Variants in FAM81A observed in about 807,000 individuals in gnomAD.
FAM81A encodes the protein protein FAM81A.
FAM81A carries 19 observed loss-of-function variants against 46.7 expected under a neutral mutation model. The observed-to-expected ratio is 0.41, with a 90% CI of 0.28 to 0.60. FAM81A has a LOEUF of 0.60. FAM81A is among the 20% of genes least tolerant of loss of function. FAM81A has a pLI of 0.34. For synonymous variants in FAM81A, 183 were observed against 152.9 expected (o/e 1.20, Z -1.45); for missense variants, 377 against 453.5 (o/e 0.83, Z 1.53).
At chr15:59,472,511 C>T (rs1440976206) in intron 3 of FAM81A, among the ~76,000 whole-genome samples, 2 of 151,962 alleles carry the variant, frequency 1.3e-5, no homozygotes, top group African/African-American at 4.8e-5. Flanking sequence ...TTCTTCTCAA[C>T]CTGCATAACC....
At chr15:59,482,867 A>G (rs1183238216) in intron 3 of FAM81A, among the ~76,000 whole-genome samples, 2 of 152,176 alleles carry the variant, frequency 1.3e-5, no homozygotes, top group Admixed American at 6.5e-5. Flanking sequence ...TGCCAGAACC[A>G]CATTAGTCAG....
chr15:59,489,158 G>A (rs565424151), intron 3 of FAM81A, among the ~76,000 whole-genome samples: 52 of 151,906 alleles, frequency 3.4e-4, no homozygotes, highest in African/African-American at 8.9e-4. Flanking sequence ...CCAGCTACTC[G>A]GGAGGCTGAG....
chr15:59,478,921 C>T (rs1361008358), intron 3 of FAM81A, among the ~76,000 whole-genome samples: 1 of 152,188 alleles, frequency 6.6e-6, no homozygotes, highest in Admixed American at 6.5e-5. Flanking sequence ...AAACCAAAGA[C>T]AGGATGGACA....
At chr15:59,415,053 C>T (rs188562394) in intron 2 of FAM81A, among the ~76,000 whole-genome samples, 352 of 151,600 alleles carry the variant, frequency 2.3e-3, no homozygotes, top group African/African-American at 8.1e-3. Context: ...CCTGACCTCA[C>T]GATCTGCCTG....
intron 4 of FAM81A, among the ~76,000 whole-genome samples, chr15:59,494,434 G>T (rs1006063430): frequency 9.2e-5 from 14 of 152,288 alleles, no homozygotes; most frequent in African/African-American, 3.4e-4. Context: ...ATCATCTCAG[G>T]GGCAAGAGCA....
chr15:59,403,047 C>CTAGTTCATTTAGTTCATT (rs57934590), intron 2 of FAM81A, among the ~76,000 whole-genome samples: 3 of 151,324 alleles, frequency 2.0e-5, no homozygotes, highest in Non-Finnish European at 2.9e-5. Context: ...TATATAGGTT[C>CTAGTTCATTTAGTTCATT]TAGTTCATTT....
intron 4 of FAM81A, among the ~76,000 whole-genome samples, chr15:59,502,333 T>TCC (rs1297037598): frequency 6.7e-6 from 1 of 150,082 alleles, no homozygotes; most frequent in African/African-American, 2.5e-5. Flanking sequence ...CCCTTCCCGC[T>TCC]CCCCCCCCAA....
chr15:59,444,435 C>T (rs2081333533), intron 1 of FAM81A: 1 of 152,044 alleles, frequency 6.6e-6, no homozygotes, highest in South Asian at 2.1e-4. Context: ...GTGTATGTGT[C>T]AAGACAAAGA....
intron 3 of FAM81A, among the ~76,000 whole-genome samples, chr15:59,476,911 G>A (rs1212088335): frequency 6.6e-6 from 1 of 151,738 alleles, no homozygotes; most frequent in Non-Finnish European, 1.5e-5. Context: ...CATGAGATCA[G>A]GAGTTCAAGA....
chr15:59,498,798 G>C (rs1018065953), intron 4 of FAM81A, among the ~76,000 whole-genome samples: 14 of 152,116 alleles, frequency 9.2e-5, no homozygotes, highest in Non-Finnish European at 1.9e-4. Context: ...GGGATTACAG[G>C]TGCCTGCCAC....
intron 6 of FAM81A, 41 bp from the exon 7 acceptor site, chr15:59,514,248 A>G (rs1309204988): frequency 1.3e-6 from 2 of 1,504,642 alleles, no homozygotes; most frequent in East Asian, 4.8e-5. Flanking sequence ...AAAATAAAAA[A>G]TAAACTGTTT....
At chr15:59,497,193 A>G (rs1478417849) in intron 4 of FAM81A, among the ~76,000 whole-genome samples, 3 of 150,782 alleles carry the variant, frequency 2.0e-5, no homozygotes, top group Non-Finnish European at 4.4e-5. Context: ...CACGCCTGTA[A>G]TCCCAGCACT....
At chr15:59,473,193 C>T (rs1260279343) in intron 3 of FAM81A, among the ~76,000 whole-genome samples, 7 of 152,140 alleles carry the variant, frequency 4.6e-5, no homozygotes, top group African/African-American at 1.7e-4. Context: ...TCACTCTCCG[C>T]AATTTCAGTT....
chr15:59,490,857 A>C (rs561627210), intron 3 of FAM81A, among the ~76,000 whole-genome samples: 40 of 152,252 alleles, frequency 2.6e-4, no homozygotes, highest in African/African-American at 9.4e-4. Flanking sequence ...ACAAAACTAC[A>C]ATGAGATATC....
chr15:59,453,201 T>C (rs151299875), intron 1 of FAM81A, among the ~76,000 whole-genome samples: 5 of 152,376 alleles, frequency 3.3e-5, no homozygotes, highest in African/African-American at 9.6e-5. Flanking sequence ...GGATATTCCA[T>C]AGCCTCCTGT....
upstream of FAM81A, chr15:59,438,142 G>T (rs1241522847): frequency 6.8e-6 from 1 of 146,266 alleles, no homozygotes; most frequent in Non-Finnish European, 1.5e-5. Flanking sequence ...GGGCCAGGCG[G>T]CAGGCGCGCG....
chr15:59,413,582 A>G (rs1275094781), intron 2 of FAM81A, among the ~76,000 whole-genome samples: 1 of 152,150 alleles, frequency 6.6e-6, no homozygotes, highest in Admixed American at 6.5e-5. Flanking sequence ...ATATGCAAAC[A>G]GAGTTCTAAG....
At chr15:59,511,628 A>AT (rs2082209601) in intron 6 of FAM81A, among the ~76,000 whole-genome samples, 1 of 152,164 alleles carries the variant, frequency 6.6e-6, no homozygotes, top group Admixed American at 6.6e-5. Flanking sequence ...ATGTATCAGT[A>AT]TTTTTGTAAC....
rs530248458 is a variant in FAM81A, at chr15:59,425,448, A to G, written c.-78+23090A>G. Among the ~76,000 whole-genome samples the G allele has an allele frequency of 4.6e-5, 7 of 152,244 alleles. No homozygotes were observed. In the South Asian group the frequency reaches 1.5e-3, roughly 32 times the overall value. ...TCTGAGTTATGGAAAAAGGCCCCTG[A>G]CCTTCTGTTATTCATAAGCCTTATT... On this transcript the variant is annotated intron_variant, in intron 2 of 4. Coordinates refer to the FAM81A transcript ENST00000558348.
Sources: gnomAD v4.1 joint callset for allele counts (sites outside exome capture counted in the v4.1 genomes callset) on GRCh38, gnomAD v4.1.1 for gene constraint, MANE v1.5 for transcripts, NCBI Gene and HGNC (gene_info 2026-07-23, HGNC 2026-07-21) for gene names.